Variants in SYNCRIP observed in about 807,000 individuals in gnomAD.
SYNCRIP encodes synaptotagmin binding cytoplasmic RNA interacting protein.
In SYNCRIP, 9 loss-of-function variants were observed where a neutral mutation model predicts 68.9. The observed-to-expected ratio is 0.13, with a 90% CI of 0.08 to 0.23. The LOEUF is 0.23. SYNCRIP is among the 10% of genes least tolerant of loss of function. The pLI is 1.00. For missense variants in SYNCRIP, 414 were observed against 770.6 expected, an observed-to-expected ratio of 0.54 and a Z score of 5.48; for synonymous variants, 258 against 254.0, an observed-to-expected ratio of 1.02 and a Z score of -0.15.
chr6:85,630,185 C>A (rs1807566117), intron 6 of SYNCRIP, among the ~76,000 whole-genome samples: 1 of 151,824 alleles, frequency 6.6e-6, no homozygotes, highest in African/African-American at 2.4e-5. Context: ...CACGGTGAAA[C>A]CCCGTCTCTA....
chr6:85,641,495 A>G, intron 1 of SYNCRIP, 44 bp from the exon 2 acceptor site: 3 of 1,576,354 alleles, frequency 1.9e-6, no homozygotes, highest in Non-Finnish European at 2.6e-6. Context: ...ATCTTCAAAA[A>G]GAATACAAGA....
chr6:85,637,248 T>A lies in SYNCRIP; in HGVS notation c.484A>T (p.Thr162Ser). 6.2e-7 allele frequency: 1 copy of A among 1,613,676 alleles called. No individual in the cohort carries two copies. The highest frequency in any genetic ancestry group is 8.5e-7 in the Non-Finnish European group (1 of 1,179,826). The change falls in exon 5 of 11, where the codon ACT (threonine) becomes TCT (serine). Residue 162 changes from threonine to serine, a missense_variant. By Grantham distance (58) the Thr-to-Ser change is moderately conservative. Around this residue, in one of 6 missense-constraint regions of SYNCRIP, gnomAD observed 110 missense variants for 269.3 expected, o/e 0.41. Coordinates refer to ENST00000369622, the MANE Select transcript of SYNCRIP (RefSeq NM_006372.5). The part of the protein sequence containing the change: ...VYSGQQPSVG[T>S]EIFVGKIPRD... ...CAAGTTTTTAGTTGCTTTACCTCAG[T>A]GCCAACAGAAGGCTGCTGACCTGAA...
rs1805513167 is a variant in SYNCRIP at position 85,614,247 on chromosome 6, C to T, written c.*509G>A. 3 of 985,364 alleles carry T rather than the reference C, an allele frequency of 3.0e-6. No individual in the cohort carries two copies. The highest frequency in any genetic ancestry group is 3.6e-6 in the Non-Finnish European group (3 of 829,508). The allele number at this position is 985,364 out of a possible 1,614,324, so 61.0% of individuals were successfully genotyped here. Reference sequence around the variant, plus strand: ...GGTGTGAATTTTTTATTGAAATAAACAACAGCATAAAGAATACAAGTAGCC... The same window carrying T: ...GGTGTGAATTTTTTATTGAAATAAATAACAGCATAAAGAATACAAGTAGCC... On this transcript the variant is annotated 3_prime_UTR_variant, in exon 11 of 11. Transcript: ENST00000369622.
downstream of SYNCRIP, chr6:85,611,802 A>C (rs917601208): frequency 6.6e-6 from 1 of 152,602 alleles, no homozygotes; most frequent in Non-Finnish European, 1.5e-5. Flanking sequence ...GCACTAATGA[A>C]ACATACCTTT....
Position 85,614,139 on chromosome 6 carries a change from A to C in SYNCRIP, c.*617T>G. On this transcript the variant is annotated 3_prime_UTR_variant, in exon 11 of 11. Coordinates refer to ENST00000369622, the MANE Select transcript of SYNCRIP (RefSeq NM_006372.5). ...GCACAAAACCCTTTAATTGGCCTTG[A>C]CATGCTATACAATTTGAACCAAATT... 1 of 985,884 alleles carries C rather than the reference A, an allele frequency of 1.0e-6. No individual in the cohort carries two copies. Among genetic ancestry groups the C allele is most frequent in the Non-Finnish European group, 1.2e-6 (1 of 829,930 alleles). 61.1% of individuals were successfully genotyped at this position (985,884 alleles called of 1,614,324 possible).
chr6:85,608,967 GA>G (rs1169079717), exon 12 of SYNCRIP: 1 of 151,960 alleles, frequency 6.6e-6, no homozygotes, highest in Non-Finnish European at 1.5e-5. Context: ...AGCATCTTAA[GA>G]AAAGTAGTGG....
intron 4 of SYNCRIP, among the ~76,000 whole-genome samples, chr6:85,639,017 G>C (rs936510338): frequency 1.3e-5 from 2 of 152,108 alleles, no homozygotes; most frequent in Non-Finnish European, 2.9e-5. Context: ...AGACCATCCC[G>C]GTCAACATGG....
intron 10 of SYNCRIP, among the ~76,000 whole-genome samples, chr6:85,618,512 G>A (rs1405080285): frequency 2.0e-5 from 3 of 152,016 alleles, no homozygotes; most frequent in African/African-American, 7.2e-5. Flanking sequence ...CTGCACTCCA[G>A]CCTGAGTGAC....
Position 85,615,271 on chromosome 6 carries a change from C to G in SYNCRIP, c.1357G>C (p.Gly453Arg). The G allele has an allele frequency of 6.3e-7, 1 of 1,598,964 alleles. No homozygotes were observed. The highest frequency in any genetic ancestry group is 8.6e-7 in the Non-Finnish European group (1 of 1,169,286). Residue 453 changes from glycine to arginine, a missense_variant, in exon 11 of 11, where the codon GGT (glycine) becomes CGT (arginine). Gly to Arg is a moderately radical substitution (Grantham distance 125, BLOSUM62 -2). This residue lies in a region of SYNCRIP where 72 missense variants were observed against 119.8 expected (regional missense o/e 0.60). Coordinates refer to ENST00000369622, the MANE Select transcript of SYNCRIP (RefSeq NM_006372.5). The part of the protein sequence containing the change: ...TRGRGRGGRG[G>R]YGYPPDYYGY... ...TAATAATCTGGAGGATATCCATAAC[C>G]ACCTCTACCTCCACGCCCTCGACCT...
downstream of SYNCRIP, chr6:85,611,552 T>G (rs1320170852): frequency 6.6e-6 from 1 of 152,498 alleles, no homozygotes; most frequent in Non-Finnish European, 1.5e-5. Context: ...TTACACCAAG[T>G]CCTAATGAAA....
chr6:85,637,830 G>C (rs192745035), intron 4 of SYNCRIP, among the ~76,000 whole-genome samples: 94 of 152,118 alleles, frequency 6.2e-4, no homozygotes, highest in African/African-American at 1.6e-3. Flanking sequence ...CCCATACCAA[G>C]TCTAGAAACT....
chr6:85,622,382 T>TA (rs2128285093), intron 8 of SYNCRIP, 100 bp downstream of exon 8: 7 of 1,154,194 alleles, frequency 6.1e-6, no homozygotes, highest in South Asian at 1.4e-5. Context: ...TCTCAAAAAA[T>TA]AAAAAAATGT....
chr6:85,635,927 C>A (rs1808390855), intron 6 of SYNCRIP, among the ~76,000 whole-genome samples: 1 of 151,730 alleles, frequency 6.6e-6, no homozygotes, highest in Non-Finnish European at 1.5e-5. Context: ...TTAAGTTTGT[C>A]TGGAATTACC....
chr6:85,627,291 T>C (rs1167209874), intron 6 of SYNCRIP, among the ~76,000 whole-genome samples: 9 of 150,112 alleles, frequency 6.0e-5, no homozygotes, highest in Non-Finnish European at 1.3e-4. Context: ...AAAAAAAACT[T>C]GGAACAATTG....
chr6:85,635,580 GC>G (rs1808341578), intron 6 of SYNCRIP, among the ~76,000 whole-genome samples: 1 of 151,918 alleles, frequency 6.6e-6, no homozygotes, highest in Non-Finnish European at 1.5e-5. Context: ...GACCAGCCTG[GC>G]CAACATGGTG....
intron 6 of SYNCRIP, among the ~76,000 whole-genome samples, chr6:85,627,439 T>C (rs1410156683): frequency 6.6e-6 from 1 of 152,116 alleles, no homozygotes; most frequent in African/African-American, 2.4e-5. Flanking sequence ...ACACCCCATC[T>C]ACGGATTACG....
chr6:85,616,981 G>C (rs777087768), intron 10 of SYNCRIP, among the ~76,000 whole-genome samples: 2 of 152,104 alleles, frequency 1.3e-5, no homozygotes, highest in Non-Finnish European at 2.9e-5. Context: ...ATGTCAGGAG[G>C]ACAGAGATGA....
chr6:85,631,371 A>G (rs945665535), intron 6 of SYNCRIP, among the ~76,000 whole-genome samples: 15 of 150,330 alleles, frequency 1.0e-4, no homozygotes, highest in African/African-American at 3.2e-4. Context: ...TGGCTTAAAG[A>G]AGGCGAAACA....
intron 1 of SYNCRIP, among the ~76,000 whole-genome samples, chr6:85,642,566 C>G (rs1809332447): frequency 6.6e-6 from 1 of 152,174 alleles, no homozygotes; most frequent in Non-Finnish European, 1.5e-5. Context: ...ACCGTGGAGG[C>G]GCCTCCTCCC....
Sources: allele counts gnomAD v4.1 joint callset (sites outside exome capture counted in the v4.1 genomes callset), GRCh38; gene constraint gnomAD v4.1.1; regional missense constraint gnomAD v4.1.1; transcripts MANE v1.5; gene names NCBI Gene and HGNC (gene_info 2026-07-23, HGNC 2026-07-21).